CARD8: variants seen among roughly 807,000 people sequenced by gnomAD.
CARD8 encodes the protein caspase recruitment domain-containing protein 8.
Under a neutral mutation model 53.2 loss-of-function variants are expected in CARD8, and 38 were observed. The observed-to-expected ratio is 0.71, with a 90% CI of 0.55 to 0.94. CARD8 has a LOEUF of 0.94. Ranked by LOEUF, CARD8 falls within the 40% of genes least tolerant of loss-of-function variation. The probability of loss-of-function intolerance (pLI) is 0.00; values close to 1 mark genes in which losing one functional copy is unlikely to be tolerated. For missense variants in CARD8, 561 were observed against 655.5 expected, an observed-to-expected ratio of 0.86 and a Z score of 1.57; for synonymous variants, 245 against 244.9, an observed-to-expected ratio of 1.00 and a Z score of 0.00.
intron 11 of CARD8, among the ~76,000 whole-genome samples, chr19:48,220,443 C>T (rs933898399): frequency 7.0e-6 from 1 of 142,162 alleles, no homozygotes; most frequent in African/African-American, 2.5e-5. Flanking sequence ...CCATCTACGC[C>T]AAAACAATAA....
chr19:48,238,943 C>T (rs1488711569), intron 4 of CARD8, among the ~76,000 whole-genome samples: 2 of 152,224 alleles, frequency 1.3e-5, no homozygotes, highest in South Asian at 2.1e-4. Flanking sequence ...TCTCAGGAGG[C>T]ATGCCTCCTT....
chr19:48,233,330 A>G (rs571271126), intron 6 of CARD8: 1 of 456,284 alleles, frequency 2.2e-6, no homozygotes, highest in South Asian at 1.5e-5. Flanking sequence ...ATTCCTTGAG[A>G]TATCTGTTTA....
At chr19:48,232,734 G>A (rs2043145419) in intron 6 of CARD8, 1 of 652,702 alleles carries the variant, frequency 1.5e-6, no homozygotes, top group African/African-American at 1.8e-5. Context: ...CTGTGTAGCA[G>A]AGAATGGAAC....
chr19:48,232,620 C>T, intron 6 of CARD8, 127 bp from the exon 7 acceptor site: 1 of 806,906 alleles, frequency 1.2e-6, no homozygotes, highest in Non-Finnish European at 2.1e-6. Context: ...CCCGGATATG[C>T]TATTTAAATT....
At chr19:48,224,707 A>G (rs1479067642) in intron 10 of CARD8, among the ~76,000 whole-genome samples, 1 of 151,558 alleles carries the variant, frequency 6.6e-6, no homozygotes, top group Non-Finnish European at 1.5e-5. Context: ...TTTTCATTCA[A>G]TGGGTCAACA....
rs886124079 is a variant in CARD8, at chr19:48,222,239, G to C, written c.1036-384C>G. On this transcript the variant is annotated intron_variant, in intron 10 of 13. Transcript: ENST00000651546. ...GCCTCAGCAGAGAACTGGTAGCTCA[G>C]CTGTGTCTGTGAACACGTCTATGAT... Among the ~76,000 whole-genome samples the C allele has an allele frequency of 3.9e-5, 6 of 152,342 alleles. No homozygotes were observed. In the East Asian group the frequency reaches 1.2e-3, roughly 29 times the overall value.
chr19:48,239,405 A>G (rs1385866025), intron 4 of CARD8, among the ~76,000 whole-genome samples: 1 of 152,140 alleles, frequency 6.6e-6, no homozygotes, highest in Admixed American at 6.5e-5. Context: ...GGGTTCCCAA[A>G]GCAAACAATT....
At position 48,230,450 on chromosome 19, in the gene CARD8, G is replaced by T. The variant is rs769882346; in HGVS notation, c.1023C>A (p.Ala341=). 5.0e-6 allele frequency: 8 copies of T among 1,606,102 alleles called. No individual in the cohort carries two copies. In the South Asian group the frequency reaches 8.9e-5, roughly 18 times the overall value. The change falls in exon 10 of 14, where the codon GCC becomes GCA. Residue 341 remains alanine, a synonymous_variant. Coordinates refer to ENST00000651546, the MANE Select transcript of CARD8 (RefSeq NM_001184900.3). The part of the protein sequence containing the change: ...KFHLYLVPSD[A]LLTKAIDDEE... ...TCACTCAGCTTACCTTTGTTAGCAA[G>T]GCGTCGCTGGGGACAAGGTACAAGT...
chr19:48,240,924 A>C (rs1165901525), intron 4 of CARD8, 38 bp downstream of exon 4: 1 of 1,470,138 alleles, frequency 6.8e-7, no homozygotes, highest in African/African-American at 1.4e-5. Flanking sequence ...CAGAAGAATC[A>C]GCCATCAGGA....
At position 48,230,611 on chromosome 19, in the gene CARD8, AG is replaced by A; in HGVS notation, c.861del (p.Tyr288MetfsTer11). 6.2e-7 allele frequency: 1 copy of A among 1,614,162 alleles called. No homozygotes were observed. On this transcript the variant is annotated frameshift_variant, in exon 10 of 14. Transcript: ENST00000651546. LOFTEE classifies it high-confidence loss of function. ...AAGCTGGGGCTTTCCAGGACAGCAT[AG>A]AAAGGCTCCACCCGGGCTGGATGCT... is the stretch of plus-strand genomic sequence containing the variant. ...VLEHPARVEPFYAVLESPSFS... is the reference protein window; with the variant it reads ...VLEHPARVEPXYAVLESPSFS...
intron 3 of CARD8, among the ~76,000 whole-genome samples, chr19:48,244,970 G>T (rs2045868930): frequency 6.6e-6 from 1 of 152,040 alleles, no homozygotes; most frequent in South Asian, 2.1e-4. Flanking sequence ...GGATAACCTT[G>T]TGCTTCATGT....
In CARD8 at chr19:48,249,806, T is replaced by C. The variant is rs2046712550; in HGVS notation, c.-210A>G. On this transcript the variant is annotated 5_prime_UTR_variant, in exon 2 of 14. Coordinates refer to ENST00000651546, the MANE Select transcript of CARD8 (RefSeq NM_001184900.3). ...GAAGGAGGAGCGGAGGCTTGTTGCTTGGACACTGCCAGGCTGCTCTGTGTT... is the reference window on the plus strand; with the variant it reads ...GAAGGAGGAGCGGAGGCTTGTTGCTCGGACACTGCCAGGCTGCTCTGTGTT... The C allele has an allele frequency of 6.6e-6, 1 of 152,410 alleles. No individual in the cohort carries two copies. The highest frequency in any genetic ancestry group is 2.4e-5 in the African/African-American group (1 of 41,436). The allele number at this position is 152,410 out of a possible 1,614,324, so 9.4% of individuals were successfully genotyped here. A position where few individuals can be genotyped will look rare whatever the true frequency, so the allele number is the denominator to read the frequency against.
rs777740747 is a variant in CARD8 at position 48,230,561 on chromosome 19, C to G, written c.912G>C (p.Arg304=). 2 of 1,614,030 alleles carry G rather than the reference C, an allele frequency of 1.2e-6. No homozygotes were observed. Among genetic ancestry groups the G allele is most frequent in the Non-Finnish European group, 1.7e-6 (2 of 1,180,042 alleles). ...PSFSLMGILL[R]IASGTRLSIP... is the part of the protein sequence containing the mutation. ...TGGAGAGGCGAGTCCCACTGGCGAT[C>G]CGCAGCAGGATGCCCATCAGAGAGA... The change falls in exon 10 of 14, where the codon CGG becomes CGC. Residue 304 remains arginine (R), a synonymous_variant. Transcript: ENST00000651546.
intron 10 of CARD8, among the ~76,000 whole-genome samples, chr19:48,226,014 A>G (rs1188324344): frequency 6.9e-6 from 1 of 144,266 alleles, no homozygotes; most frequent in Non-Finnish European, 1.5e-5. Context: ...GATCACGCCC[A>G]CTGCACTCCA....
downstream of CARD8, chr19:48,204,378 G>T (rs963140276): frequency 5.9e-6 from 2 of 336,960 alleles, no homozygotes; most frequent in Admixed American, 4.0e-5. Context: ...TAGGGGAAAT[G>T]GGATGTTTTC....
At chr19:48,229,393 T>A (rs889701769) in intron 10 of CARD8, among the ~76,000 whole-genome samples, 6 of 152,330 alleles carry the variant, frequency 3.9e-5, no homozygotes, top group Middle Eastern at 3.4e-3. Flanking sequence ...ACAGAAGTTA[T>A]GCAAGAATTC....
At chr19:48,214,261 C>T (rs375724931) in intron 13 of CARD8, among the ~76,000 whole-genome samples, 1 of 152,160 alleles carries the variant, frequency 6.6e-6, no homozygotes, top group South Asian at 2.1e-4. Context: ...GACTCCTCAC[C>T]CCACCAGAAA....
At chr19:48,239,677 T>C (rs1458117518) in intron 4 of CARD8, among the ~76,000 whole-genome samples, 2 of 152,074 alleles carry the variant, frequency 1.3e-5, no homozygotes, top group African/African-American at 2.4e-5. Flanking sequence ...GGTTTCACCA[T>C]GTTGGCCAGA....
chr19:48,204,537 G>A (rs1295791724), downstream of CARD8, among the ~76,000 whole-genome samples: 1 of 152,078 alleles, frequency 6.6e-6, no homozygotes, highest in Non-Finnish European at 1.5e-5. Context: ...AAGCAGTAGG[G>A]AAAATTGGGG....
Sources: allele counts gnomAD v4.1 joint callset (sites outside exome capture counted in the v4.1 genomes callset), GRCh38; gene constraint gnomAD v4.1.1; transcripts MANE v1.5; gene names NCBI Gene and HGNC (gene_info 2026-07-23, HGNC 2026-07-21).